The following ALK variants were observed in gnomAD, a reference collection of about 807,000 sequenced individuals.
ALK encodes ALK tyrosine kinase receptor.
ALK carries 74 observed loss-of-function variants against 163.1 expected under a neutral mutation model. The observed-to-expected ratio is 0.45, with a 90% CI of 0.38 to 0.55. The LOEUF is 0.55. ALK is among the 20% of genes least tolerant of loss of function. ALK has a pLI of 0.00. For synonymous variants in ALK, 960 were observed against 843.2 expected (o/e 1.14, Z -2.40); for missense variants, 2,063 against 2,105.3 (o/e 0.98, Z 0.39).
intron 3 of ALK, among the ~76,000 whole-genome samples, chr2:29,673,135 C>T (rs1310478720): frequency 3.8e-4 from 55 of 145,206 alleles, no homozygotes; most frequent in African/African-American, 1.4e-3. Flanking sequence ...GTTGCCTGTT[C>T]ACTCTGATGG....
intron 3 of ALK, among the ~76,000 whole-genome samples, chr2:29,591,647 G>A (rs1230812448): frequency 1.3e-5 from 2 of 152,200 alleles, no homozygotes; most frequent in African/African-American, 4.8e-5. Context: ...AAAGGTCAGA[G>A]AGAAGAGGGA....
chr2:29,537,545 C>T (rs1245708500), intron 3 of ALK, among the ~76,000 whole-genome samples: 8 of 152,252 alleles, frequency 5.3e-5, no homozygotes, highest in Admixed American at 5.2e-4. Context: ...AGAAGTCTAC[C>T]ACTGGGGCAG....
At chr2:29,899,012 G>A (rs1213352178) in intron 1 of ALK, among the ~76,000 whole-genome samples, 2 of 152,078 alleles carry the variant, frequency 1.3e-5, no homozygotes, top group African/African-American at 2.4e-5. Flanking sequence ...TACTTCAGGG[G>A]CCTGGGAGAT....
chr2:29,340,888 C>A (rs148668727), intron 5 of ALK, among the ~76,000 whole-genome samples: 1 of 152,128 alleles, frequency 6.6e-6, no homozygotes, highest in Admixed American at 6.6e-5. Flanking sequence ...TCTCTCCTTT[C>A]CTTGCTACCT....
At chr2:29,267,366 T>C (rs1665248712) in intron 11 of ALK, among the ~76,000 whole-genome samples, 1 of 152,248 alleles carries the variant, frequency 6.6e-6, no homozygotes, top group Admixed American at 6.5e-5. Flanking sequence ...TCTGATTTCC[T>C]GACCTGCAGA....
intron 4 of ALK, among the ~76,000 whole-genome samples, chr2:29,402,891 C>CT (rs1038081576): frequency 7.9e-5 from 12 of 152,138 alleles, no homozygotes; most frequent in African/African-American, 2.9e-4. Context: ...CCTACCCCCT[C>CT]TTTGTTACCC....
intron 4 of ALK, among the ~76,000 whole-genome samples, chr2:29,530,998 C>A (rs1673105020): frequency 6.6e-6 from 1 of 152,192 alleles, no homozygotes; most frequent in Non-Finnish European, 1.5e-5. Context: ...ACGAAGGAGG[C>A]CATTCAGCCT....
At chr2:29,488,070 A>G (rs1319321046) in intron 4 of ALK, among the ~76,000 whole-genome samples, 1 of 152,008 alleles carries the variant, frequency 6.6e-6, no homozygotes, top group African/African-American at 2.4e-5. Flanking sequence ...CTTTACATTC[A>G]GTCTGCCTTA....
At chr2:29,598,170 G>T (rs929542493) in intron 3 of ALK, among the ~76,000 whole-genome samples, 18 of 152,162 alleles carry the variant, frequency 1.2e-4, no homozygotes, top group Admixed American at 7.8e-4. Context: ...GGGATTACAG[G>T]TGTGCGCCAC....
intron 1 of ALK, among the ~76,000 whole-genome samples, chr2:29,849,076 G>C (rs1177509569): frequency 1.3e-5 from 2 of 152,016 alleles, no homozygotes; most frequent in East Asian, 3.9e-4. Flanking sequence ...GAGCGTCCTC[G>C]AGCTGCCCCC....
In ALK at chr2:29,295,145, G is replaced by A. The variant is rs1442318052; in HGVS notation, c.1817+1743C>T. On this transcript the variant is annotated intron_variant, in intron 9 of 28. Transcript: ENST00000389048. ...CTGTCTTTTGTCGGAATCCCCACTG[G>A]ACAGTTTGGTCTCAGTATCAATACT... Among the ~76,000 whole-genome samples the A allele has an allele frequency of 3.3e-5, 5 of 152,140 alleles. No individual in the cohort carries two copies. In the East Asian group the frequency reaches 5.8e-4, roughly 18 times the overall value.
chr2:29,525,975 A>G (rs936156345), intron 4 of ALK, among the ~76,000 whole-genome samples: 2 of 152,148 alleles, frequency 1.3e-5, no homozygotes, highest in African/African-American at 4.8e-5. Flanking sequence ...GGGGAGGAAT[A>G]TGGTAAATCC....
chr2:29,456,352 C>T (rs757433187), intron 4 of ALK, among the ~76,000 whole-genome samples: 28 of 151,988 alleles, frequency 1.8e-4, no homozygotes, highest in African/African-American at 2.9e-4. Context: ...AAATGTGGCA[C>T]GCACACACAC....
At chr2:29,566,604 T>C (rs1413415428) in intron 3 of ALK, among the ~76,000 whole-genome samples, 2 of 152,268 alleles carry the variant, frequency 1.3e-5, no homozygotes, top group Non-Finnish European at 1.5e-5. Flanking sequence ...GGCAAAAACC[T>C]TGAGATTTGG....
chr2:29,251,353 G>A (rs2148197965), intron 11 of ALK, 86 bp from the exon 12 acceptor site: 1 of 1,368,466 alleles, frequency 7.3e-7, no homozygotes, highest in East Asian at 2.5e-5. Flanking sequence ...TGAGATATCT[G>A]CTCCATGGCC....
intron 1 of ALK, among the ~76,000 whole-genome samples, chr2:29,878,822 G>C (rs1295931461): frequency 6.6e-6 from 1 of 152,162 alleles, no homozygotes; most frequent in Non-Finnish European, 1.5e-5. Context: ...TGGGATACAG[G>C]GTTACTAGGT....
intron 1 of ALK, among the ~76,000 whole-genome samples, chr2:29,908,204 C>A (rs1667600923): frequency 6.6e-6 from 1 of 152,058 alleles, no homozygotes; most frequent in East Asian, 1.9e-4. Context: ...ACACAAAAAG[C>A]CAGGCTAACC....
chr2:29,464,515 G>A (rs186893000), intron 4 of ALK, among the ~76,000 whole-genome samples: 56 of 152,254 alleles, frequency 3.7e-4, no homozygotes, highest in East Asian at 3.1e-3. Context: ...GCCTGTGTGT[G>A]CCTTCATGTA....
At chr2:29,430,859 C>A (rs117127973) in intron 4 of ALK, among the ~76,000 whole-genome samples, 1 of 152,206 alleles carries the variant, frequency 6.6e-6, no homozygotes, top group African/African-American at 2.4e-5. Context: ...TTTTTGGACA[C>A]CTTGATCGGG....
Sources: gnomAD v4.1 joint callset for allele counts (sites outside exome capture counted in the v4.1 genomes callset) on GRCh38, gnomAD v4.1.1 for gene constraint, MANE v1.5 for transcripts, NCBI Gene and HGNC (gene_info 2026-07-23, HGNC 2026-07-21) for gene names.